Variants in PCDHGA2 observed in about 807,000 individuals in gnomAD.
PCDHGA2 encodes protocadherin gamma-A2.
A neutral mutation model predicts 59.2 loss-of-function variants in PCDHGA2; 40 were observed. The observed-to-expected ratio is 0.68, with a 90% CI of 0.52 to 0.88. PCDHGA2 has a LOEUF of 0.88. Among genes scored for constraint, PCDHGA2 ranks in the 40% least tolerant of loss-of-function variants. The pLI is 0.00. For missense variants in PCDHGA2, 1,226 were observed against 1,204.0 expected (o/e 1.02, Z -0.27); for synonymous variants, 560 against 526.0 (o/e 1.06, Z -0.89).
At chr5:141,343,985 C>A in intron 1 of PCDHGA2, 1 of 1,448,320 alleles carries the variant, frequency 6.9e-7, no homozygotes, top group South Asian at 1.5e-5. Flanking sequence ...TGGAGTCCGT[C>A]GTAGGAAACT....
intron 1 of PCDHGA2, chr5:141,344,237 C>G: frequency 6.2e-7 from 1 of 1,614,036 alleles, no homozygotes; most frequent in African/African-American, 1.3e-5. Context: ...GCATCGTCTC[C>G]AGAGGTAGGA....
chr5:141,477,884 G>A lies in PCDHGA2; in HGVS notation c.2425-16923G>A. On this transcript the variant is annotated intron_variant, in intron 1 of 3. Transcript: ENST00000394576. The surrounding 1 kb of genome is among the most constrained non-coding windows in gnomAD (Gnocchi z 4.9). ...TCGAGGTACCTCAGCTGGCCACCTA[G>A]TGTCACGGGTGGTAGGCTGGGACGC... 6.2e-7 allele frequency: 1 copy of A among 1,614,190 alleles called. No homozygotes were observed. The highest frequency in any genetic ancestry group is 8.5e-7 in the Non-Finnish European group (1 of 1,180,036).
At chr5:141,426,834 A>G (rs1561824131) in intron 1 of PCDHGA2, 1 of 456,724 alleles carries the variant, frequency 2.2e-6, no homozygotes, top group South Asian at 1.5e-5. Flanking sequence ...GATGGACAAG[A>G]CTAAAGGCAA....
intron 1 of PCDHGA2, chr5:141,430,546 G>A (rs1323295073): frequency 2.5e-6 from 1 of 402,156 alleles, no homozygotes; most frequent in Non-Finnish European, 4.4e-6. Context: ...GAGCGCCGCT[G>A]TTCACCAATC....
intron 1 of PCDHGA2, chr5:141,413,845 C>G: frequency 6.2e-7 from 1 of 1,613,242 alleles, no homozygotes. Flanking sequence ...CGGGGGTGAC[C>G]CTCTCCGATC....
intron 1 of PCDHGA2, chr5:141,399,883 A>C: frequency 6.2e-7 from 1 of 1,612,718 alleles, no homozygotes; most frequent in South Asian, 1.1e-5. Flanking sequence ...CCTGGTGACC[A>C]AGGTAGTGGC....
intron 1 of PCDHGA2, among the ~76,000 whole-genome samples, chr5:141,425,336 G>A (rs2096868804): frequency 6.6e-6 from 1 of 152,182 alleles, no homozygotes; most frequent in South Asian, 2.1e-4. Flanking sequence ...CAAAAAGGAA[G>A]GGTTGGCTTT....
At position 141,486,464 on chromosome 5, in the gene PCDHGA2, G is replaced by A; in HGVS notation, c.2425-8343G>A. The A allele has an allele frequency of 1.2e-6, 2 of 1,614,034 alleles. No homozygotes were observed. Among genetic ancestry groups the A allele is most frequent in the Non-Finnish European group, 1.7e-6 (2 of 1,179,946 alleles). On this transcript the variant is annotated intron_variant, in intron 1 of 3. Transcript: ENST00000394576. This position sits in a 1 kb window ranked among gnomAD's most constrained non-coding sequence, Gnocchi z 5.0. ...CATCATGGTCACTGCTTCTGATGCTGGGAACCCTCCTCTCAGTACCCACAG... is the reference window on the plus strand; with the variant it reads ...CATCATGGTCACTGCTTCTGATGCTAGGAACCCTCCTCTCAGTACCCACAG...
chr5:141,360,899 T>G, intron 1 of PCDHGA2: 1 of 1,614,042 alleles, frequency 6.2e-7, no homozygotes, highest in South Asian at 1.1e-5. Context: ...AGGGAGGACG[T>G]GCCGCCGGGC....
chr5:141,382,486 C>T (rs1278703321), intron 1 of PCDHGA2, among the ~76,000 whole-genome samples: 1 of 152,192 alleles, frequency 6.6e-6, no homozygotes, highest in African/African-American at 2.4e-5. Flanking sequence ...GATTATCAAA[C>T]ACCGGTCCAT....
rs750804901 is a variant in PCDHGA2, at chr5:141,476,422, C to T, written c.2425-18385C>T. ...GAGAGGAGCTGTGTGGGACACTGCC[C>T]TCTTGCACTGTAACTCTGGAGTTGG... On this transcript the variant is annotated intron_variant, in intron 1 of 3. Transcript: ENST00000394576. The surrounding 1 kb of genome is among the most constrained non-coding windows in gnomAD (Gnocchi z 7.6). The T allele has an allele frequency of 1.7e-5, 28 of 1,614,026 alleles. No homozygotes were observed. Among genetic ancestry groups the T allele is most frequent in the East Asian group, 2.2e-5 (1 of 44,860 alleles).
chr5:141,357,466 G>C (rs1760618081), intron 1 of PCDHGA2: 3 of 1,614,062 alleles, frequency 1.9e-6, no homozygotes, highest in Admixed American at 3.3e-5. Flanking sequence ...CTATTCCCAC[G>C]AGGTCTCCCT....
intron 1 of PCDHGA2, chr5:141,419,492 A>G: frequency 6.2e-7 from 1 of 1,612,358 alleles, no homozygotes; most frequent in South Asian, 1.1e-5. Flanking sequence ...GCTCAGCGCC[A>G]ATGTGAGCCT....
chr5:141,492,091 C>G (rs930375969), intron 1 of PCDHGA2, among the ~76,000 whole-genome samples: 5 of 152,242 alleles, frequency 3.3e-5, no homozygotes, highest in Non-Finnish European at 5.9e-5. Flanking sequence ...CACGCTTCGC[C>G]GGTCTGTAGA....
intron 1 of PCDHGA2, chr5:141,393,825 G>C: frequency 6.2e-7 from 1 of 1,613,964 alleles, no homozygotes; most frequent in Non-Finnish European, 8.5e-7. Flanking sequence ...CATTTCGGTG[G>C]AAGATGTAAA....
intron 1 of PCDHGA2, chr5:141,399,845 T>G: frequency 6.2e-7 from 1 of 1,612,982 alleles, no homozygotes; most frequent in Non-Finnish European, 8.5e-7. Context: ...CTCTTCGATA[T>G]GGTGCCGCGC....
At position 141,486,209 on chromosome 5, in the gene PCDHGA2, A is replaced by G. The variant is rs749965379; in HGVS notation, c.2425-8598A>G. 1.2e-6 allele frequency: 2 copies of G among 1,614,080 alleles called. No homozygotes were observed. The highest frequency in any genetic ancestry group is 1.7e-6 in the Non-Finnish European group (2 of 1,179,988). ...AGTGGATCTGCTGGACGTAAATGAC[A>G]ATGCCCCTTACATCACAGTGACCTC... On this transcript the variant is annotated intron_variant, in intron 1 of 3. Transcript: ENST00000394576. The surrounding 1 kb of genome is among the most constrained non-coding windows in gnomAD (Gnocchi z 5.0).
At chr5:141,420,175 T>C (rs901184536) in intron 1 of PCDHGA2, 6 of 1,614,004 alleles carry the variant, frequency 3.7e-6, no homozygotes, top group Non-Finnish European at 5.1e-6. Context: ...CATCTGTTGA[T>C]CATTGTCCAG....
At chr5:141,360,543 T>C (rs369225043) in intron 1 of PCDHGA2, 1 of 1,613,834 alleles carries the variant, frequency 6.2e-7, no homozygotes, top group Non-Finnish European at 8.5e-7. Flanking sequence ...TCAAACAGAC[T>C]AAGATTAATT....
Sources: gnomAD v4.1 joint callset for allele counts (sites outside exome capture counted in the v4.1 genomes callset) on GRCh38, gnomAD v4.1.1 for gene constraint, Gnocchi (gnomAD v3.1) non-coding constraint, MANE v1.5 for transcripts, NCBI Gene and HGNC (gene_info 2026-07-23, HGNC 2026-07-21) for gene names.